Variants in ENTREP2 observed in about 807,000 individuals in gnomAD.
ENTREP2 encodes protein ENTREP2.
At chr15:29,408,146 C>T in the ENTREP2 span, among the ~76,000 whole-genome samples, 1 of 152,110 alleles carries the variant, frequency 6.6e-6, no homozygotes, top group Non-Finnish European at 1.5e-5. Context: ...TGCTGATCTC[C>T]ATGGTGGCTC....
chr15:29,641,582 A>G, the ENTREP2 span, among the ~76,000 whole-genome samples: 2 of 151,852 alleles, frequency 1.3e-5, no homozygotes, highest in Non-Finnish European at 2.9e-5. Flanking sequence ...CTGTAATCCC[A>G]GCACTTTGCA....
chr15:29,269,081 G>A, the ENTREP2 span: 1 of 1,614,060 alleles, frequency 6.2e-7, no homozygotes, highest in African/African-American at 1.3e-5. Flanking sequence ...TTCTTGGTGG[G>A]GTAGACCCCT....
At chr15:29,163,952 A>T in the ENTREP2 span, among the ~76,000 whole-genome samples, 4 of 152,234 alleles carry the variant, frequency 2.6e-5, no homozygotes, top group Admixed American at 2.0e-4. Flanking sequence ...AACCTATCAG[A>T]TTAACAGCAG....
chr15:29,596,895 C>T, the ENTREP2 span, among the ~76,000 whole-genome samples: 2 of 152,066 alleles, frequency 1.3e-5, no homozygotes, highest in Non-Finnish European at 2.9e-5. Flanking sequence ...GTCTTGAACT[C>T]CTGAACTCAA....
the ENTREP2 span, among the ~76,000 whole-genome samples, chr15:29,174,696 ACAAAACAAAACAAC>A: frequency 2.1e-5 from 3 of 145,676 alleles, no homozygotes; most frequent in African/African-American, 8.3e-5. Context: ...ACTAAACAAA[ACAAAACAAAACAAC>A]AAAAAAAAAA....
At chr15:29,543,792 A>G in the ENTREP2 span, among the ~76,000 whole-genome samples, 1 of 151,446 alleles carries the variant, frequency 6.6e-6, no homozygotes, top group Non-Finnish European at 1.5e-5. Context: ...AAAAAAAAAA[A>G]TCCCCCAAAA....
chr15:29,212,146 A>G, the ENTREP2 span, among the ~76,000 whole-genome samples: 2 of 152,104 alleles, frequency 1.3e-5, no homozygotes, highest in Non-Finnish European at 2.9e-5. Context: ...TGTCATTTCA[A>G]TCTTACTGCT....
At chr15:29,479,505 G>C in the ENTREP2 span, among the ~76,000 whole-genome samples, 1 of 152,074 alleles carries the variant, frequency 6.6e-6, no homozygotes, top group East Asian at 1.9e-4. Context: ...CCACACATCA[G>C]TGCTCCGGAA....
At chr15:29,390,157 A>G in the ENTREP2 span, among the ~76,000 whole-genome samples, 2 of 152,170 alleles carry the variant, frequency 1.3e-5, no homozygotes, top group Non-Finnish European at 2.9e-5. Flanking sequence ...CTCTGAAACC[A>G]TCGGATCTTG....
chr15:29,474,850 C>T, the ENTREP2 span, among the ~76,000 whole-genome samples: 1 of 152,156 alleles, frequency 6.6e-6, no homozygotes, highest in Non-Finnish European at 1.5e-5. Flanking sequence ...AGCCACCGCA[C>T]CCGGCCAAGG....
chr15:29,477,237 AG>A, the ENTREP2 span, among the ~76,000 whole-genome samples: 7 of 152,190 alleles, frequency 4.6e-5, no homozygotes, highest in Non-Finnish European at 8.8e-5. Flanking sequence ...ATCAGAAGAA[AG>A]GTTCACCTTT....
the ENTREP2 span, among the ~76,000 whole-genome samples, chr15:29,574,305 T>C: frequency 6.6e-6 from 1 of 152,094 alleles, no homozygotes; most frequent in African/African-American, 2.4e-5. Flanking sequence ...TTTGTTTTTG[T>C]TTTTTTAAAG....
the ENTREP2 span, among the ~76,000 whole-genome samples, chr15:29,318,312 C>T: frequency 2.8e-5 from 3 of 108,146 alleles, no homozygotes; most frequent in African/African-American, 6.9e-5. Context: ...AAGGTATGTA[C>T]ACTTTTTTTT....
chr15:29,384,398 G>A, the ENTREP2 span, among the ~76,000 whole-genome samples: 3 of 151,910 alleles, frequency 2.0e-5, no homozygotes, highest in Admixed American at 1.3e-4. Flanking sequence ...GCCCTCTGCC[G>A]GCACGCTCCT....
the ENTREP2 span, among the ~76,000 whole-genome samples, chr15:29,618,473 G>T: frequency 6.6e-6 from 1 of 151,410 alleles, no homozygotes; most frequent in Non-Finnish European, 1.5e-5. Flanking sequence ...AACGCACTTT[G>T]AAGGGTCCTA....
the ENTREP2 span, among the ~76,000 whole-genome samples, chr15:29,455,369 A>G: frequency 0.15 from 22,424 of 152,192 alleles, 2,744 homozygotes; most frequent in African/African-American, 0.34. Flanking sequence ...CTGAGTAAGT[A>G]GTTGCTGGTA....
chr15:29,172,045 A>G, the ENTREP2 span, among the ~76,000 whole-genome samples: 2 of 152,106 alleles, frequency 1.3e-5, no homozygotes, highest in African/African-American at 4.8e-5. Flanking sequence ...AAAGAAACAA[A>G]GAGTATTAGA....
chr15:29,451,705 C>A, the ENTREP2 span, among the ~76,000 whole-genome samples: 1 of 152,176 alleles, frequency 6.6e-6, no homozygotes, highest in African/African-American at 2.4e-5. Flanking sequence ...CCCACCGGAA[C>A]CTTGCAGGGC....
chr15:29,352,044 C>T, the ENTREP2 span, among the ~76,000 whole-genome samples: 4 of 152,184 alleles, frequency 2.6e-5, no homozygotes, highest in African/African-American at 7.2e-5. Context: ...AAGCGATCCT[C>T]CCACCTCAGC....
Sources: gnomAD v4.1 joint callset for allele counts (sites outside exome capture counted in the v4.1 genomes callset) on GRCh38, gnomAD v4.1.1 for gene constraint, MANE v1.5 for transcripts, NCBI Gene and HGNC (gene_info 2026-07-23, HGNC 2026-07-21) for gene names.